Variants in FAM114A1 observed in about 807,000 individuals in gnomAD.
FAM114A1 encodes the protein protein NOXP20.
Under a neutral mutation model 64.3 loss-of-function variants are expected in FAM114A1, and 62 were observed. The observed-to-expected ratio is 0.96, with a 90% CI of 0.79 to 1.19. The LOEUF (loss-of-function observed/expected upper bound fraction) is 1.19, where lower values mean the gene tolerates loss of function less well. Among genes scored for constraint, FAM114A1 ranks in the 50% most tolerant of loss-of-function variants. FAM114A1 has a pLI of 0.00. For missense variants in FAM114A1, 645 were observed against 676.3 expected (o/e 0.95, Z 0.51); for synonymous variants, 254 against 251.1 (o/e 1.01, Z -0.11).
At chr4:38,875,886 G>T (rs1435578844) in intron 2 of FAM114A1, among the ~76,000 whole-genome samples, 1 of 152,088 alleles carries the variant, frequency 6.6e-6, no homozygotes, top group East Asian at 1.9e-4. Context: ...AAGTTCCATT[G>T]AATAGTGCTG....
At chr4:38,868,118 C>T (rs1398972906) in intron 1 of FAM114A1, 3 of 268,548 alleles carry the variant, frequency 1.1e-5, no homozygotes, top group Non-Finnish European at 2.4e-5. Context: ...CCCACACGCC[C>T]ACACTCAGGG....
chr4:38,907,493 T>G (rs1042087314), intron 6 of FAM114A1, among the ~76,000 whole-genome samples: 2 of 152,176 alleles, frequency 1.3e-5, no homozygotes, highest in African/African-American at 4.8e-5. Context: ...AATAAAATAA[T>G]TTTTCATAGG....
chr4:38,941,024 A>G lies in FAM114A1; in HGVS notation c.1590+3A>G, dbSNP rs1721543295. The G allele has an allele frequency of 1.2e-6, 2 of 1,613,754 alleles. No individual in the cohort carries two copies. Among genetic ancestry groups the G allele is most frequent in the East Asian group, 4.5e-5 (2 of 44,882 alleles). On this transcript the variant is annotated splice_donor_region_variant and intron_variant, in intron 14 of 14. Transcript: ENST00000358869. ...TGATCAGTAGTGTATTGTTAGAGGT[A>G]AGTGGCCTCTGGAGAGAAAGTGCTT...
At chr4:38,900,423 TC>T (rs1717405494) in intron 4 of FAM114A1, among the ~76,000 whole-genome samples, 1 of 152,048 alleles carries the variant, frequency 6.6e-6, no homozygotes, top group South Asian at 2.1e-4. Flanking sequence ...AAAGGCAGGG[TC>T]CCAGGGAGAT....
At chr4:38,882,427 C>A (rs1715379305) in intron 3 of FAM114A1, among the ~76,000 whole-genome samples, 1 of 151,034 alleles carries the variant, frequency 6.6e-6, no homozygotes, top group Admixed American at 6.6e-5. Context: ...GTCAGGAGTT[C>A]GAGACCAGCC....
intron 4 of FAM114A1, among the ~76,000 whole-genome samples, chr4:38,900,523 G>T (rs1717414684): frequency 6.6e-6 from 1 of 152,136 alleles, no homozygotes; most frequent in Non-Finnish European, 1.5e-5. Context: ...GAATGGAAAA[G>T]CAAAATGTGG....
At chr4:38,868,776 A>AAG (rs988180305) in intron 2 of FAM114A1, among the ~76,000 whole-genome samples, 1 of 152,176 alleles carries the variant, frequency 6.6e-6, no homozygotes, top group Admixed American at 6.5e-5. Flanking sequence ...GACAGGCTCT[A>AAG]TCCTCAGAGC....
chr4:38,872,836 G>A (rs917570875), intron 2 of FAM114A1, among the ~76,000 whole-genome samples: 3 of 152,174 alleles, frequency 2.0e-5, no homozygotes, highest in East Asian at 1.9e-4. Context: ...AAACCATGAC[G>A]GTCCCATATG....
intron 8 of FAM114A1, among the ~76,000 whole-genome samples, chr4:38,922,293 T>A: frequency 6.6e-6 from 1 of 152,224 alleles, no homozygotes. Flanking sequence ...TTTAAGTAGA[T>A]TACTTCATTT....
At chr4:38,882,900 A>C (rs1715433932) in intron 3 of FAM114A1, among the ~76,000 whole-genome samples, 1 of 152,228 alleles carries the variant, frequency 6.6e-6, no homozygotes, top group East Asian at 1.9e-4. Flanking sequence ...GCCAGAGTCA[A>C]GGAGGAGGCC....
intron 13 of FAM114A1, among the ~76,000 whole-genome samples, chr4:38,939,547 G>A (rs1171460344): frequency 1.3e-5 from 2 of 152,056 alleles, no homozygotes; most frequent in Non-Finnish European, 2.9e-5. Context: ...TGGATTTTCT[G>A]GTTACTTACT....
At chr4:38,936,641 C>T (rs1191504636) in intron 13 of FAM114A1, among the ~76,000 whole-genome samples, 2 of 151,412 alleles carry the variant, frequency 1.3e-5, no homozygotes, top group Non-Finnish European at 2.9e-5. Flanking sequence ...CAGCCTCCAC[C>T]TCCTGGGTTG....
intron 3 of FAM114A1, among the ~76,000 whole-genome samples, chr4:38,884,284 G>A (rs1031836472): frequency 6.6e-6 from 1 of 152,142 alleles, no homozygotes; most frequent in African/African-American, 2.4e-5. Context: ...CCACCGCACC[G>A]GCCTGAGTTC....
At chr4:38,927,495 C>T (rs1720230410) in intron 9 of FAM114A1, among the ~76,000 whole-genome samples, 1 of 152,080 alleles carries the variant, frequency 6.6e-6, no homozygotes, top group South Asian at 2.1e-4. Flanking sequence ...TCTAATCACA[C>T]CCCCAAAGCC....
chr4:38,896,389 A>G (rs1716942793), intron 4 of FAM114A1, among the ~76,000 whole-genome samples: 1 of 152,238 alleles, frequency 6.6e-6, no homozygotes. Context: ...AGTTAAAACA[A>G]AAGCAATGTA....
At chr4:38,914,714 T>C in intron 7 of FAM114A1, 1 of 520,474 alleles carries the variant, frequency 1.9e-6, no homozygotes, top group Non-Finnish European at 3.3e-6. Flanking sequence ...GCCTTTCACA[T>C]AATGAACATG....
rs922785157 is a variant in FAM114A1, at chr4:38,921,432, A to T, written c.946-1338A>T. On this transcript the variant is annotated intron_variant, in intron 8 of 14. Transcript: ENST00000358869. ...ACCAGCATTCCTGGCTAATTTTCTT[A>T]AAATTTTTTATAGAGATGGGGTCTC... 4.6e-5 allele frequency among the ~76,000 whole-genome samples: 7 copies of T among 152,112 alleles called. No homozygotes were observed. The East Asian group carries it at 1.2e-3, about 25-fold the overall frequency.
chr4:38,869,573 C>T (rs1429500328), intron 2 of FAM114A1, among the ~76,000 whole-genome samples: 1 of 152,186 alleles, frequency 6.6e-6, no homozygotes, highest in Non-Finnish European at 1.5e-5. Context: ...CCAAAAATGC[C>T]TGGCAGCCTC....
chr4:38,909,028 A>T (rs953387183), intron 7 of FAM114A1, among the ~76,000 whole-genome samples: 1 of 152,244 alleles, frequency 6.6e-6, no homozygotes, highest in African/African-American at 2.4e-5. Context: ...ATGCATGTGG[A>T]TAGACATGCA....
Sources: gnomAD v4.1 joint callset for allele counts (sites outside exome capture counted in the v4.1 genomes callset) on GRCh38, gnomAD v4.1.1 for gene constraint, MANE v1.5 for transcripts, NCBI Gene and HGNC (gene_info 2026-07-23, HGNC 2026-07-21) for gene names.